The following PCDH15 variants were observed in gnomAD, a reference collection of about 807,000 sequenced individuals.
PCDH15 encodes the protein protocadherin related 15, also known as protocadherin-15.
A neutral mutation model predicts 178.5 loss-of-function variants in PCDH15; 129 were observed. The ratio of observed to expected loss-of-function variants is 0.72; its 90% confidence interval spans 0.63 to 0.84. The LOEUF (loss-of-function observed/expected upper bound fraction) is 0.84. Ranked by LOEUF, PCDH15 falls within the 40% of genes least tolerant of loss-of-function variation. The probability of loss-of-function intolerance (pLI) is 0.00; values close to 1 mark genes in which losing one functional copy is unlikely to be tolerated. For synonymous variants in PCDH15, 800 were observed against 732.0 expected, an observed-to-expected ratio of 1.09 and a Z score of -1.50; for missense variants, 2,230 against 2,099.9, an observed-to-expected ratio of 1.06 and a Z score of -1.21.
At chr10:54,347,735 C>G (rs1943532707) in intron 5 of PCDH15, among the ~76,000 whole-genome samples, 1 of 152,078 alleles carries the variant, frequency 6.6e-6, no homozygotes, top group Non-Finnish European at 1.5e-5. Flanking sequence ...AGCTGCTACT[C>G]AATCCCAGCA....
At chr10:54,262,776 T>C (rs1330360492) in intron 8 of PCDH15, among the ~76,000 whole-genome samples, 1 of 152,180 alleles carries the variant, frequency 6.6e-6, no homozygotes, top group Non-Finnish European at 1.5e-5. Context: ...AGGTATGGCC[T>C]GATGGTCGTA....
chr10:55,130,398 A>G (rs1245209290), intron 2 of PCDH15, among the ~76,000 whole-genome samples: 1 of 152,186 alleles, frequency 6.6e-6, no homozygotes, highest in Non-Finnish European at 1.5e-5. Context: ...GGAGGTTACA[A>G]AAGAACATGT....
chr10:55,486,411 C>T (rs1249157078), intron 2 of PCDH15, among the ~76,000 whole-genome samples: 1 of 151,460 alleles, frequency 6.6e-6, no homozygotes, highest in Non-Finnish European at 1.5e-5. Flanking sequence ...TTCTTCAAAT[C>T]AGAAATGCTT....
intron 13 of PCDH15, among the ~76,000 whole-genome samples, chr10:54,164,054 A>G (rs2045971439): frequency 6.6e-6 from 1 of 152,160 alleles, no homozygotes; most frequent in Non-Finnish European, 1.5e-5. Flanking sequence ...GCATTGCTTT[A>G]TTAAAGAAAA....
rs531770439 is a variant in PCDH15 at position 55,310,150 on chromosome 10, TG to T, written c.-156+9448del. Among the ~76,000 whole-genome samples the T allele has an allele frequency of 3.7e-3, 568 of 152,336 alleles. 3 individuals are homozygous for T. The highest frequency in any genetic ancestry group is 0.017 in the Middle Eastern group (5 of 294). ...CATCGTTTAATTCAAAACACTTATT[TG>T]TTTTTTTATCACATTAAAAATCTAT... On this transcript the variant is annotated intron_variant, in intron 1 of 5. Coordinates refer to the PCDH15 transcript ENST00000458638.
chr10:55,320,335 C>A (rs1843856084), upstream of PCDH15, among the ~76,000 whole-genome samples: 1 of 152,056 alleles, frequency 6.6e-6, no homozygotes, highest in Non-Finnish European at 1.5e-5. Flanking sequence ...CCCTCCAACC[C>A]CACTCCAAAC....
At chr10:55,598,437 CTATAATT>C (rs1484822481) in intron 2 of PCDH15, among the ~76,000 whole-genome samples, 1 of 147,362 alleles carries the variant, frequency 6.8e-6, no homozygotes, top group Non-Finnish European at 1.5e-5. Context: ...GGAGCCGGTT[CTATAATT>C]GATAAACCCC....
In PCDH15 at chr10:54,378,929, CA is replaced by C; in HGVS notation, c.170del (p.Val57GlyfsTer5). ...CAGTCCCTTTGATCAGCATGTTGTCCACCAGAATTGTACCTGCAAACCAAAG... is the reference window on the plus strand; with the variant it reads ...CAGTCCCTTTGATCAGCATGTTGTCCCCAGAATTGTACCTGCAAACCAAAG... ...DEESRNGTIL[V>X]DNMLIKGTAG... On this transcript the variant is annotated frameshift_variant, in exon 4 of 38. Transcript: ENST00000644397. LOFTEE classifies it high-confidence loss of function. The C allele has an allele frequency of 1.9e-6, 3 of 1,613,698 alleles. No homozygotes were observed. Among genetic ancestry groups the C allele is most frequent in the Non-Finnish European group, 2.5e-6 (3 of 1,179,762 alleles).
At chr10:55,340,889 T>C (rs1236260839) in intron 2 of PCDH15, among the ~76,000 whole-genome samples, 1 of 152,040 alleles carries the variant, frequency 6.6e-6, no homozygotes, top group African/African-American at 2.4e-5. Context: ...CAGTGACTTA[T>C]TCATTTAGAA....
chr10:55,045,756 A>G (rs1427391038), intron 2 of PCDH15, among the ~76,000 whole-genome samples: 1 of 152,044 alleles, frequency 6.6e-6, no homozygotes, highest in African/African-American at 2.4e-5. Flanking sequence ...ATGATAGAGC[A>G]TTTTCACAAA....
chr10:54,586,970 T>C (rs1348826225), intron 2 of PCDH15, among the ~76,000 whole-genome samples: 2 of 152,196 alleles, frequency 1.3e-5, no homozygotes, highest in African/African-American at 4.8e-5. Context: ...GTACATATTT[T>C]TGCTTTTTTT....
intron 23 of PCDH15, among the ~76,000 whole-genome samples, chr10:53,951,530 T>C (rs936510365): frequency 3.9e-5 from 6 of 152,200 alleles, no homozygotes; most frequent in Non-Finnish European, 7.3e-5. Flanking sequence ...TATATCTTTG[T>C]CAAAAATAGA....
chr10:55,616,027 G>T (rs1436253183), intron 2 of PCDH15, among the ~76,000 whole-genome samples: 2 of 152,186 alleles, frequency 1.3e-5, no homozygotes, highest in African/African-American at 4.8e-5. Flanking sequence ...AGTCACCACT[G>T]ACAATTGAAA....
chr10:54,084,693 T>C (rs960979189), intron 16 of PCDH15, among the ~76,000 whole-genome samples: 1 of 151,868 alleles, frequency 6.6e-6, no homozygotes, highest in Non-Finnish European at 1.5e-5. Flanking sequence ...CTTCTATAAG[T>C]AACTGTTTTT....
At chr10:54,595,512 G>A (rs1039555152) in intron 2 of PCDH15, among the ~76,000 whole-genome samples, 8 of 152,178 alleles carry the variant, frequency 5.3e-5, no homozygotes, top group South Asian at 2.1e-4. Flanking sequence ...AACCAGTGCA[G>A]GAACTCTGAC....
intron 2 of PCDH15, among the ~76,000 whole-genome samples, chr10:54,652,542 C>A (rs2094285807): frequency 6.6e-6 from 1 of 152,130 alleles, no homozygotes; most frequent in Non-Finnish European, 1.5e-5. Context: ...AACCTCTATC[C>A]CCTAGTAACT....
intron 9 of PCDH15, among the ~76,000 whole-genome samples, chr10:54,227,948 T>G (rs2053630646): frequency 6.6e-6 from 1 of 152,200 alleles, no homozygotes; most frequent in Admixed American, 6.5e-5. Flanking sequence ...CTGGTTTTCA[T>G]CATTAATATC....
intron 20 of PCDH15, among the ~76,000 whole-genome samples, chr10:54,011,844 A>C (rs1343512562): frequency 6.6e-6 from 1 of 152,210 alleles, no homozygotes; most frequent in East Asian, 1.9e-4. Flanking sequence ...GATGAGAAAG[A>C]ACCAGTGCAA....
intron 1 of PCDH15, among the ~76,000 whole-genome samples, chr10:54,766,519 C>A (rs1948526407): frequency 6.6e-6 from 1 of 151,204 alleles, no homozygotes; most frequent in Non-Finnish European, 1.5e-5. Context: ...AATTTATATT[C>A]CCCAGGTGAA....
Sources: gnomAD v4.1 joint callset for allele counts (sites outside exome capture counted in the v4.1 genomes callset) on GRCh38, gnomAD v4.1.1 for gene constraint, MANE v1.5 for transcripts, NCBI Gene and HGNC (gene_info 2026-07-23, HGNC 2026-07-21) for gene names.